The following NR3C2 variants were observed in gnomAD, a reference collection of about 807,000 sequenced individuals.
NR3C2 encodes nuclear receptor subfamily 3 group C member 2, also known as mineralocorticoid receptor.
In NR3C2, 15 loss-of-function variants were observed where a neutral mutation model predicts 86.4. That is an observed-to-expected ratio of 0.17 (90% CI 0.12 to 0.27). NR3C2 has a LOEUF of 0.27. Among genes scored for constraint, NR3C2 ranks in the 10% least tolerant of loss-of-function variants. The probability of loss-of-function intolerance (pLI) is 1.00; values close to 1 mark genes in which losing one functional copy is unlikely to be tolerated. For synonymous variants in NR3C2, 458 were observed against 450.5 expected (o/e 1.02, Z -0.21); for missense variants, 960 against 1,195.6 (o/e 0.80, Z 2.91).
intron 2 of NR3C2, among the ~76,000 whole-genome samples, chr4:148,336,966 T>C (rs544407655): frequency 6.6e-6 from 1 of 152,232 alleles, no homozygotes. Flanking sequence ...TAATTTTTTT[T>C]ACATTTGTTG....
In NR3C2 at chr4:148,308,194, GA is replaced by G. The variant is rs1231170750; in HGVS notation, c.1758-48078del. Among the ~76,000 whole-genome samples, 29 of 152,126 alleles carry G rather than the reference GA, an allele frequency of 1.9e-4. 1 individual carries two copies. Among genetic ancestry groups the G allele is most frequent in the Admixed American group, 1.9e-3 (29 of 15,272 alleles). On this transcript the variant is annotated intron_variant, in intron 2 of 8. Transcript: ENST00000358102. The stretch of plus-strand genomic sequence containing the variant: ...TGAGGGTAACATCTACGGATCTGTG[GA>G]GGTGAGCAGCCAGTCCTTTTTTTTC...
intron 8 of NR3C2, among the ~76,000 whole-genome samples, chr4:148,113,774 G>A (rs1732147434): frequency 6.6e-6 from 1 of 152,196 alleles, no homozygotes; most frequent in African/African-American, 2.4e-5. Flanking sequence ...TTGGAATGCA[G>A]GTCGTCCAGG....
intron 7 of NR3C2, among the ~76,000 whole-genome samples, chr4:148,116,922 C>A (rs992773275): frequency 6.6e-6 from 1 of 152,204 alleles, no homozygotes; most frequent in Non-Finnish European, 1.5e-5. Flanking sequence ...CATTTACATT[C>A]TATCATCCAT....
At chr4:148,434,865 G>A (rs771740273) in intron 2 of NR3C2, among the ~76,000 whole-genome samples, 1 of 152,100 alleles carries the variant, frequency 6.6e-6, no homozygotes, top group African/African-American at 2.4e-5. Flanking sequence ...TGGGGAGTGC[G>A]GGACACCTAC....
At chr4:148,319,984 T>G (rs1295017290) in intron 2 of NR3C2, among the ~76,000 whole-genome samples, 1 of 147,616 alleles carries the variant, frequency 6.8e-6, no homozygotes, top group African/African-American at 2.6e-5. Context: ...TTCCAGTTTT[T>G]GCCCATTCAG....
At chr4:148,291,076 CCACAA>C (rs971633660) in intron 2 of NR3C2, among the ~76,000 whole-genome samples, 3 of 152,046 alleles carry the variant, frequency 2.0e-5, no homozygotes, top group African/African-American at 7.2e-5. Flanking sequence ...AAGATGGTAC[CCACAA>C]CACATCAGCC....
At chr4:148,279,058 G>A (rs1741106628) in intron 2 of NR3C2, among the ~76,000 whole-genome samples, 1 of 152,166 alleles carries the variant, frequency 6.6e-6, no homozygotes, top group African/African-American at 2.4e-5. Context: ...AGCTACTCGG[G>A]AGGCTAAGGC....
At chr4:148,136,061 A>C (rs1205594484) in intron 6 of NR3C2, among the ~76,000 whole-genome samples, 1 of 57,494 alleles carries the variant, frequency 1.7e-5, no homozygotes, top group African/African-American at 5.3e-5. Context: ...CGTCTCAAAA[A>C]AAAAAAAAAA....
At chr4:148,394,536 TAGC>T (rs1747760469) in intron 2 of NR3C2, among the ~76,000 whole-genome samples, 1 of 127,172 alleles carries the variant, frequency 7.9e-6, no homozygotes, top group Non-Finnish European at 1.7e-5. Flanking sequence ...AAAAAAAAAA[TAGC>T]AGAGTGGCAG....
chr4:148,319,240 C>G (rs1743412710), intron 2 of NR3C2, among the ~76,000 whole-genome samples: 1 of 152,092 alleles, frequency 6.6e-6, no homozygotes, highest in Non-Finnish European at 1.5e-5. Context: ...ACCTATATCT[C>G]TGTTTTGGTA....
At chr4:148,343,535 A>T (rs909375147) in intron 2 of NR3C2, among the ~76,000 whole-genome samples, 7 of 151,728 alleles carry the variant, frequency 4.6e-5, no homozygotes, top group African/African-American at 1.7e-4. Context: ...TAATATTATT[A>T]GGTTCATTCT....
chr4:148,299,232 A>T (rs541745459), intron 2 of NR3C2, among the ~76,000 whole-genome samples: 33 of 152,338 alleles, frequency 2.2e-4, no homozygotes, highest in South Asian at 4.1e-4. Flanking sequence ...AAAAGCCTGC[A>T]TCGTTTTCGT....
chr4:148,174,358 G>T (rs978330179), intron 4 of NR3C2, among the ~76,000 whole-genome samples: 1 of 152,086 alleles, frequency 6.6e-6, no homozygotes, highest in African/African-American at 2.4e-5. Context: ...TAGCATCATC[G>T]CTCAGGTATT....
intron 2 of NR3C2, among the ~76,000 whole-genome samples, chr4:148,309,821 A>G (rs952317386): frequency 1.3e-5 from 2 of 152,230 alleles, no homozygotes; most frequent in Admixed American, 1.3e-4. Flanking sequence ...AACTTAAATT[A>G]TTTGACTCCT....
chr4:148,273,976 G>A lies in NR3C2; in HGVS notation c.1758-13859C>T, dbSNP rs147144648. Among the ~76,000 whole-genome samples, 295 of 152,146 alleles carry A rather than the reference G, an allele frequency of 1.9e-3. 1 individual carries two copies. The highest frequency in any genetic ancestry group is 6.5e-3 in the African/African-American group (270 of 41,502). ...AATGTCAAGGGCAGATAAACTTTGA[G>A]GTCTGTAGAAGCCAGCTTCACACTA... On this transcript the variant is annotated intron_variant, in intron 2 of 8. Transcript: ENST00000358102.
At chr4:148,301,207 GT>G (rs1297436140) in intron 2 of NR3C2, among the ~76,000 whole-genome samples, 4 of 152,016 alleles carry the variant, frequency 2.6e-5, no homozygotes, top group African/African-American at 9.7e-5. Flanking sequence ...TATGTATTGA[GT>G]GTGTAATGTC....
rs544122390 is a variant in NR3C2 at position 148,323,300 on chromosome 4, T to C, written c.1758-63183A>G. The stretch of plus-strand genomic sequence containing the variant: ...TCTTCAAAGCTGTCAGACAGGGACA[T>C]TTAAGTCTGCAGAGGTTACTGCTGT... On this transcript the variant is annotated intron_variant, in intron 2 of 8. Coordinates refer to ENST00000358102, the MANE Select transcript of NR3C2 (RefSeq NM_000901.5). 9.7e-5 allele frequency among the ~76,000 whole-genome samples: 14 copies of C among 145,016 alleles called. No homozygotes were observed. In the South Asian group the frequency reaches 1.5e-3, roughly 15 times the overall value.
intron 3 of NR3C2, among the ~76,000 whole-genome samples, chr4:148,223,868 G>A (rs555904671): frequency 1.7e-3 from 265 of 152,256 alleles, no homozygotes; most frequent in African/African-American, 6.0e-3. Flanking sequence ...TTGCAGGAAG[G>A]CTTAGAAGTT....
At chr4:148,197,025 C>G (rs983265816) in intron 3 of NR3C2, among the ~76,000 whole-genome samples, 1 of 152,098 alleles carries the variant, frequency 6.6e-6, no homozygotes, top group African/African-American at 2.4e-5. Flanking sequence ...CTGCTATTCA[C>G]CAGAAGAAAC....
Sources: gnomAD v4.1 joint callset for allele counts (sites outside exome capture counted in the v4.1 genomes callset) on GRCh38, gnomAD v4.1.1 for gene constraint, MANE v1.5 for transcripts, NCBI Gene and HGNC (gene_info 2026-07-23, HGNC 2026-07-21) for gene names.